PDXK: variants seen among roughly 807,000 people sequenced by gnomAD.
The protein encoded by PDXK is epididymis secretory sperm binding protein Li 1a.
In PDXK, 15 loss-of-function variants were observed where a neutral mutation model predicts 43.2. That is an observed-to-expected ratio of 0.35 (90% CI 0.23 to 0.53). The LOEUF is 0.53. Ranked by LOEUF, PDXK falls within the 20% of genes least tolerant of loss-of-function variation. The pLI, the probability that PDXK is intolerant of heterozygous loss-of-function variation, is 0.92. For missense variants in PDXK, 343 were observed against 417.0 expected, an observed-to-expected ratio of 0.82 and a Z score of 1.54; for synonymous variants, 172 against 165.4, an observed-to-expected ratio of 1.04 and a Z score of -0.31.
intron 1 of PDXK, among the ~76,000 whole-genome samples, chr21:43,725,549 C>T (rs775364661): frequency 1.1e-4 from 17 of 151,998 alleles, no homozygotes; most frequent in Non-Finnish European, 2.4e-4. Context: ...GTGGCTCACG[C>T]CTATAATCCC....
intron 1 of PDXK, among the ~76,000 whole-genome samples, chr21:43,722,552 T>C (rs1398284023): frequency 7.2e-5 from 11 of 152,138 alleles, no homozygotes; most frequent in Admixed American, 4.6e-4. Flanking sequence ...AGGTTGCTCA[T>C]TGTAGCAGAA....
rs1420097827 is a variant in PDXK, at chr21:43,734,975, C to G, written c.142+852C>G. Among the ~76,000 whole-genome samples the G allele has an allele frequency of 6.6e-6, 1 of 152,198 alleles. No individual in the cohort carries two copies. The highest frequency in any genetic ancestry group is 2.4e-5 in the African/African-American group (1 of 41,438). Reference sequence around the variant, plus strand: ...TGGAGCAGGGAGGAGGGGCCTGGCCCCTACTCTTGGGAGTGGGAAGGAATG... The same window carrying G: ...TGGAGCAGGGAGGAGGGGCCTGGCCGCTACTCTTGGGAGTGGGAAGGAATG... On this transcript the variant is annotated intron_variant, in intron 2 of 10. Coordinates refer to ENST00000291565, the MANE Select transcript of PDXK (RefSeq NM_003681.5). This position sits in a 1 kb window ranked among gnomAD's most constrained non-coding sequence, Gnocchi z 5.0.
Position 43,734,399 on chromosome 21 carries a change from T to G in PDXK, c.142+276T>G, listed in dbSNP as rs1182572894. Among the ~76,000 whole-genome samples the G allele has an allele frequency of 6.6e-6, 1 of 152,164 alleles. No individual in the cohort carries two copies. Among genetic ancestry groups the G allele is most frequent in the African/African-American group, 2.4e-5 (1 of 41,436 alleles). On this transcript the variant is annotated intron_variant, in intron 2 of 10. Coordinates refer to ENST00000291565, the MANE Select transcript of PDXK (RefSeq NM_003681.5). This position sits in a 1 kb window ranked among gnomAD's most constrained non-coding sequence, Gnocchi z 5.0. ...TGCAGGTGGCAGAACCTCTCGGTGCTTCAGTTTCCTTCTCTGTAAGACAGG... is the reference window on the plus strand; with the variant it reads ...TGCAGGTGGCAGAACCTCTCGGTGCGTCAGTTTCCTTCTCTGTAAGACAGG...
intron 1 of PDXK, chr21:43,720,028 G>C: frequency 5.7e-6 from 4 of 706,172 alleles, no homozygotes; most frequent in Non-Finnish European, 7.0e-6. Context: ...CTCTGACGAG[G>C]AGAAGCCCCA....
At chr21:43,724,077 T>C (rs2083230024) in intron 1 of PDXK, among the ~76,000 whole-genome samples, 1 of 152,174 alleles carries the variant, frequency 6.6e-6, no homozygotes, top group Non-Finnish European at 1.5e-5. Flanking sequence ...CAGAAGACCC[T>C]GTGAGGTGGC....
rs778741924 is a variant in PDXK at position 43,736,973 on chromosome 21, C to T, written c.142+2850C>T. ...TTTTAGAGACAAGGTCGGTCTCTGT[C>T]GCCCAGGCTGGCGTGAAGTGGCGCA... On this transcript the variant is annotated intron_variant, in intron 2 of 10. Transcript: ENST00000291565. 3.7e-5 allele frequency: 26 copies of T among 701,988 alleles called. 1 individual carries two copies. The Middle Eastern group carries it at 1.6e-3, about 44-fold the overall frequency. 43.5% of individuals were successfully genotyped at this position (701,988 alleles called of 1,614,324 possible).
chr21:43,726,402 G>A (rs8128206), intron 1 of PDXK, among the ~76,000 whole-genome samples: 19,594 of 150,300 alleles, frequency 0.13, 1,561 homozygotes, highest in African/African-American at 0.23. Context: ...CAGCCTCCCA[G>A]GTAGCTGGGA....
At chr21:43,755,661 G>T in intron 9 of PDXK, 37 bp from the exon 10 acceptor site, 1 of 1,559,452 alleles carries the variant, frequency 6.4e-7, no homozygotes. Context: ...GGTGTTGTGA[G>T]TGGGCCAGGG....
chr21:43,737,103 C>A lies in PDXK; in HGVS notation c.142+2980C>A. ...GTGCACCAGCACGCCCACCTCCTGC[C>A]CAGGGTTGTTACTGGGGTGGTCACG... On this transcript the variant is annotated intron_variant, in intron 2 of 10. Coordinates refer to ENST00000291565, the MANE Select transcript of PDXK (RefSeq NM_003681.5). The surrounding 1 kb of genome is among the most constrained non-coding windows in gnomAD (Gnocchi z 4.8). The A allele has an allele frequency of 1.0e-6, 1 of 974,322 alleles. No individual in the cohort carries two copies. Among genetic ancestry groups the A allele is most frequent in the Non-Finnish European group, 1.6e-6 (1 of 634,992 alleles). 60.4% of individuals were successfully genotyped at this position (974,322 alleles called of 1,614,324 possible).
chr21:43,730,219 A>G (rs2083300490), intron 1 of PDXK, among the ~76,000 whole-genome samples: 1 of 152,024 alleles, frequency 6.6e-6, no homozygotes, highest in Non-Finnish European at 1.5e-5. Flanking sequence ...TCCGCCTCCC[A>G]GGTTCAAGTG....
chr21:43,753,582 G>C lies in PDXK; in HGVS notation c.623-1G>C. ...TGACCTTGCCCATCTTCTCCCCCTA[G>C]GGAATCCCGCTGGCTCCGTGGTGAT... On this transcript the variant is annotated splice_acceptor_variant, in intron 8 of 10. Transcript: ENST00000291565. LOFTEE classifies it high-confidence loss of function. The C allele has an allele frequency of 6.2e-7, 1 of 1,610,090 alleles. No homozygotes were observed. Among genetic ancestry groups the C allele is most frequent in the Non-Finnish European group, 8.5e-7 (1 of 1,177,378 alleles).
Position 43,723,999 on chromosome 21 carries a change from G to C in PDXK, c.87+4618G>C, listed in dbSNP as rs1220856204. The C allele has an allele frequency of 6.6e-6, 1 of 152,236 alleles. No homozygotes were observed. Among genetic ancestry groups the C allele is most frequent in the Admixed American group, 6.5e-5 (1 of 15,284 alleles). The allele number at this position is 152,236 out of a possible 1,614,324, so 9.4% of individuals were successfully genotyped here. A position where few individuals can be genotyped will look rare whatever the true frequency, so the allele number is the denominator to read the frequency against. ...AGAATCTCACTTGGGGCCTTAGCTC[G>C]AGACCCATTTAAATACCACATCGCA... On this transcript the variant is annotated intron_variant, in intron 1 of 10. Transcript: ENST00000291565. The surrounding 1 kb of genome is among the most constrained non-coding windows in gnomAD (Gnocchi z 4.1).
intron 1 of PDXK, among the ~76,000 whole-genome samples, chr21:43,733,204 C>T (rs978636677): frequency 2.6e-5 from 4 of 151,776 alleles, no homozygotes; most frequent in Non-Finnish European, 5.9e-5. Context: ...CAAAGCCCAC[C>T]CAGTGAAGAA....
At chr21:43,748,852 G>T (rs1241744836) in intron 5 of PDXK, 143 bp from the exon 6 acceptor site, 2 of 624,162 alleles carry the variant, frequency 3.2e-6, no homozygotes, top group East Asian at 2.7e-5. Flanking sequence ...ACAACTTATC[G>T]CTACAGTCGG....
intron 2 of PDXK, among the ~76,000 whole-genome samples, chr21:43,739,035 G>A (rs575247351): frequency 6.0e-5 from 9 of 151,186 alleles, no homozygotes; most frequent in Admixed American, 4.0e-4. Flanking sequence ...CTGGGTTCAT[G>A]CCATTCTCCT....
At position 43,737,725 on chromosome 21, in the gene PDXK, C is replaced by G. The variant is rs943808421; in HGVS notation, c.142+3602C>G. On this transcript the variant is annotated intron_variant, in intron 2 of 10. Coordinates refer to ENST00000291565, the MANE Select transcript of PDXK (RefSeq NM_003681.5). The surrounding 1 kb of genome is among the most constrained non-coding windows in gnomAD (Gnocchi z 4.8). The stretch of plus-strand genomic sequence containing the variant: ...GGGCCAGGCCGGGCCAGGAGCCTGC[C>G]GACGGACACCAGCGAGGGGCCAGGC... 1 of 946,216 alleles carries G rather than the reference C, an allele frequency of 1.1e-6. No homozygotes were observed. Among genetic ancestry groups the G allele is most frequent in the Non-Finnish European group, 1.2e-6 (1 of 803,656 alleles). The allele number at this position is 946,216 out of a possible 1,614,324, so 58.6% of individuals were successfully genotyped here.
intron 2 of PDXK, 166 bp from the exon 3 acceptor site, chr21:43,741,501 G>C: frequency 7.2e-7 from 1 of 1,397,258 alleles, no homozygotes; most frequent in Non-Finnish European, 9.3e-7. Flanking sequence ...CAGCCGTTGG[G>C]ACCTGCCAAG....
chr21:43,726,584 T>C (rs1322997391), intron 1 of PDXK, among the ~76,000 whole-genome samples: 2 of 152,118 alleles, frequency 1.3e-5, no homozygotes, highest in Non-Finnish European at 2.9e-5. Flanking sequence ...AATTTTTGTA[T>C]TTTGGTAGAG....
chr21:43,740,673 C>G (rs376724155), intron 2 of PDXK, among the ~76,000 whole-genome samples: 24 of 152,020 alleles, frequency 1.6e-4, no homozygotes, highest in African/African-American at 5.8e-4. Context: ...TCTGTCCTCA[C>G]ACATTGATAT....
Sources: gnomAD v4.1 joint callset for allele counts (sites outside exome capture counted in the v4.1 genomes callset) on GRCh38, gnomAD v4.1.1 for gene constraint, Gnocchi (gnomAD v3.1) non-coding constraint, MANE v1.5 for transcripts, NCBI Gene and HGNC (gene_info 2026-07-23, HGNC 2026-07-21) for gene names.